Variants in QTMAN observed in about 807,000 individuals in gnomAD.
The protein encoded by QTMAN is queuosine-tRNA mannosyltransferase, also known as tRNA-queuosine alpha-mannosyltransferase.
chr2:144,282,335 T>A, the QTMAN span, among the ~76,000 whole-genome samples: 1 of 150,580 alleles, frequency 6.6e-6, no homozygotes, highest in Non-Finnish European at 1.5e-5. Context: ...TAAATAAGTT[T>A]AAAAATATAA....
chr2:144,046,821 T>C, the QTMAN span, among the ~76,000 whole-genome samples: 1 of 152,238 alleles, frequency 6.6e-6, no homozygotes, highest in Admixed American at 6.5e-5. Context: ...AAATATTTAA[T>C]ATTTATTTCA....
the QTMAN span, among the ~76,000 whole-genome samples, chr2:144,168,386 C>T: frequency 6.6e-6 from 1 of 152,136 alleles, no homozygotes; most frequent in Non-Finnish European, 1.5e-5. Context: ...TCAGTCAACA[C>T]AGAATACTGA....
At chr2:143,968,203 T>A in the QTMAN span, among the ~76,000 whole-genome samples, 1 of 152,212 alleles carries the variant, frequency 6.6e-6, no homozygotes, top group Non-Finnish European at 1.5e-5. Flanking sequence ...AACCAGTGGC[T>A]GAGGCAGAAA....
chr2:143,982,022 A>G, the QTMAN span, among the ~76,000 whole-genome samples: 2 of 152,198 alleles, frequency 1.3e-5, no homozygotes, highest in African/African-American at 4.8e-5. Flanking sequence ...ATTAAGAACT[A>G]ATCACATTAG....
the QTMAN span, among the ~76,000 whole-genome samples, chr2:144,043,128 A>C: frequency 2.0e-5 from 3 of 152,098 alleles, no homozygotes; most frequent in Non-Finnish European, 1.5e-5. Context: ...AAACATCTGA[A>C]CACCATAGTC....
the QTMAN span, chr2:143,938,343 C>T: frequency 6.6e-6 from 1 of 152,222 alleles, no homozygotes; most frequent in Non-Finnish European, 1.5e-5. Context: ...GAATTCTCCA[C>T]AGAAGGTGGA....
the QTMAN span, among the ~76,000 whole-genome samples, chr2:144,093,084 C>G: frequency 6.6e-6 from 1 of 152,070 alleles, no homozygotes. Context: ...TTAACACATT[C>G]AACACTAGAC....
At chr2:144,056,450 C>G in the QTMAN span, among the ~76,000 whole-genome samples, 1 of 152,194 alleles carries the variant, frequency 6.6e-6, no homozygotes, top group East Asian at 1.9e-4. Context: ...TTGCTTCATT[C>G]TTTGCTCCAG....
At chr2:143,988,255 C>T in the QTMAN span, among the ~76,000 whole-genome samples, 17 of 152,156 alleles carry the variant, frequency 1.1e-4, no homozygotes, top group Non-Finnish European at 2.1e-4. Flanking sequence ...GGTGGTGCTG[C>T]GTCATGCTGA....
chr2:143,958,700 T>C, the QTMAN span, among the ~76,000 whole-genome samples: 1 of 151,966 alleles, frequency 6.6e-6, no homozygotes, highest in Non-Finnish European at 1.5e-5. Flanking sequence ...TACAGGAGTG[T>C]GGACATTCTT....
the QTMAN span, among the ~76,000 whole-genome samples, chr2:144,272,140 GA>G: frequency 6.6e-6 from 1 of 151,712 alleles, no homozygotes; most frequent in Non-Finnish European, 1.5e-5. Flanking sequence ...TAACTCCAAA[GA>G]AAAATTAATA....
the QTMAN span, among the ~76,000 whole-genome samples, chr2:144,159,022 G>A: frequency 0.025 from 3,754 of 152,078 alleles, 152 homozygotes; most frequent in African/African-American, 0.086. Context: ...CAACATTAAA[G>A]TAGCAAAAGA....
chr2:144,310,294 A>G, the QTMAN span, among the ~76,000 whole-genome samples: 1 of 152,198 alleles, frequency 6.6e-6, no homozygotes, highest in Non-Finnish European at 1.5e-5. Flanking sequence ...GGGGGGTAGT[A>G]AATGGAGTCA....
chr2:144,104,307 G>C, the QTMAN span, among the ~76,000 whole-genome samples: 2 of 152,184 alleles, frequency 1.3e-5, no homozygotes, highest in Admixed American at 6.5e-5. Context: ...AGCAGGGCGA[G>C]GCATCCCCTC....
At chr2:143,994,220 C>G in the QTMAN span, among the ~76,000 whole-genome samples, 1 of 152,116 alleles carries the variant, frequency 6.6e-6, no homozygotes, top group East Asian at 1.9e-4. Flanking sequence ...TTGACTATAT[C>G]TAGTACACAG....
At chr2:143,939,781 A>G in the QTMAN span, 1 of 152,156 alleles carries the variant, frequency 6.6e-6, no homozygotes, top group African/African-American at 2.4e-5. Context: ...TCTCAATTTC[A>G]GCTCTTCTTA....
the QTMAN span, chr2:143,970,655 G>A: frequency 1.3e-6 from 2 of 1,527,356 alleles, no homozygotes; most frequent in Non-Finnish European, 1.8e-6. Flanking sequence ...AGAGGTACCT[G>A]GGACATCTGT....
chr2:144,134,193 GT>G, the QTMAN span, among the ~76,000 whole-genome samples: 184 of 151,528 alleles, frequency 1.2e-3, no homozygotes, highest in African/African-American at 3.9e-3. Flanking sequence ...GTAAAATAGT[GT>G]TTTTTTTTAA....
chr2:144,110,738 A>G, the QTMAN span, among the ~76,000 whole-genome samples: 45 of 150,174 alleles, frequency 3.0e-4, no homozygotes, highest in Non-Finnish European at 5.2e-4. Flanking sequence ...ACATTACGAA[A>G]TTATGTAGCA....
Sources: allele counts gnomAD v4.1 joint callset (sites outside exome capture counted in the v4.1 genomes callset), GRCh38; gene constraint gnomAD v4.1.1; transcripts MANE v1.5; gene names NCBI Gene and HGNC (gene_info 2026-07-23, HGNC 2026-07-21).